Variants in TNFSF10 observed in about 807,000 individuals in gnomAD.
TNFSF10 encodes tumor necrosis factor ligand superfamily member 10.
A neutral mutation model predicts 29.5 loss-of-function variants in TNFSF10; 13 were observed. That is an observed-to-expected ratio of 0.44 (90% CI 0.29 to 0.70). The LOEUF (loss-of-function observed/expected upper bound fraction) is 0.70. Ranked by LOEUF, TNFSF10 falls within the 30% of genes least tolerant of loss-of-function variation. The pLI, the probability that TNFSF10 is intolerant of heterozygous loss-of-function variation, is 0.13. For missense variants in TNFSF10, 345 were observed against 330.9 expected (o/e 1.04, Z -0.33); for synonymous variants, 111 against 112.8 (o/e 0.98, Z 0.10).
At chr3:172,511,528 A>G in intron 3 of TNFSF10, 89 bp downstream of exon 3, 1 of 1,083,618 alleles carries the variant, frequency 9.2e-7, no homozygotes, top group Non-Finnish European at 1.3e-6. Flanking sequence ...TGAGTGGATG[A>G]GAACACAGAG....
At chr3:172,518,106 A>G in intron 1 of TNFSF10, 3 of 1,014,374 alleles carry the variant, frequency 3.0e-6, no homozygotes, top group Non-Finnish European at 3.5e-6. Context: ...TCCACTTCAA[A>G]ATATGAGTTT....
Position 172,506,579 on chromosome 3 carries a change from A to G in TNFSF10, c.759T>C (p.Asn253=), listed in dbSNP as rs775227574. 6.2e-7 allele frequency: 1 copy of G among 1,614,128 alleles called. No individual in the cohort carries two copies. ...TTGTTACAGAAACAAAAATTCTGTC[A>G]TTTTCCTTAAGCTCAAATATTCCCC... ...YQGGIFELKE[N]DRIFVSVTNE... Residue 253 remains asparagine (N), a synonymous_variant, in exon 5 of 5, where the codon AAT becomes AAC. Coordinates refer to ENST00000241261, the MANE Select transcript of TNFSF10 (RefSeq NM_003810.4).
intron 3 of TNFSF10, chr3:172,511,413 T>C (rs796299833): frequency 1.4e-5 from 6 of 442,364 alleles, no homozygotes; most frequent in African/African-American, 1.0e-4. Context: ...GTTCTGACCA[T>C]AGATGGGCCA....
In TNFSF10 at chr3:172,521,502, T is replaced by A. The variant is rs145034306; in HGVS notation, c.132+1751A>T. Among the ~76,000 whole-genome samples the A allele has an allele frequency of 3.7e-3, 557 of 152,310 alleles. 4 individuals carry two copies. The highest frequency in any genetic ancestry group is 0.013 in the African/African-American group (540 of 41,556). ...AATGCAAATCAAAACCATAATGAGA[T>A]ACCATCTCACTCCAGTTAGAATGGT... On this transcript the variant is annotated intron_variant, in intron 1 of 4. Coordinates refer to ENST00000241261, the MANE Select transcript of TNFSF10 (RefSeq NM_003810.4).
chr3:172,511,229 G>A (rs926215630), intron 3 of TNFSF10, among the ~76,000 whole-genome samples: 1 of 152,088 alleles, frequency 6.6e-6, no homozygotes, highest in African/African-American at 2.4e-5. Flanking sequence ...GGAGCCCAGT[G>A]GTGGCCTGAA....
chr3:172,518,208 T>C (rs998324864), intron 1 of TNFSF10: 25 of 1,115,630 alleles, frequency 2.2e-5, no homozygotes, highest in Non-Finnish European at 2.8e-5. Flanking sequence ...TTATTTTCAT[T>C]TGCGTGCCTC....
chr3:172,515,413 C>T (rs551226191), intron 1 of TNFSF10, among the ~76,000 whole-genome samples: 1 of 152,260 alleles, frequency 6.6e-6, no homozygotes, highest in African/African-American at 2.4e-5. Context: ...TACCTAGATA[C>T]AAGGTCGGTA....
In TNFSF10 at chr3:172,506,469, A is replaced by T; in HGVS notation, c.*23T>A. The T allele has an allele frequency of 1.3e-6, 2 of 1,574,102 alleles. No homozygotes were observed. Among genetic ancestry groups the T allele is most frequent in the Non-Finnish European group, 1.7e-6 (2 of 1,164,750 alleles). ...AAAACTGAATAGTCACTTTGAGGTT[A>T]TTGCTTTTTCTTTCCAGGTCAGTTA... On this transcript the variant is annotated 3_prime_UTR_variant, in exon 5 of 5. Coordinates refer to ENST00000241261, the MANE Select transcript of TNFSF10 (RefSeq NM_003810.4).
At chr3:172,517,656 G>A in intron 1 of TNFSF10, 1 of 985,378 alleles carries the variant, frequency 1.0e-6, no homozygotes, top group Non-Finnish European at 1.2e-6. Context: ...CTGTGTGTGT[G>A]CATAATTTTG....
rs140719733 is a variant in TNFSF10 at position 172,523,265 on chromosome 3, G to A, written c.120C>T (p.Asn40=). The change falls in exon 1 of 5, where the codon AAC becomes AAT. Residue 40 remains asparagine, a synonymous_variant. Transcript: ENST00000241261. The part of the protein sequence containing the change: ...CVAVTYVYFT[N]ELKQMQDKYS... ...GCACTGCACTGACCTGCTTCAGCTC[G>A]TTGGTAAAGTACACGTAAGTTACAG... The A allele has an allele frequency of 1.9e-4, 313 of 1,613,756 alleles. No individual in the cohort carries two copies. The highest frequency in any genetic ancestry group is 2.9e-4 in the African/African-American group (22 of 75,056).
chr3:172,506,916 G>T lies in TNFSF10; in HGVS notation c.422C>A (p.Ser141Tyr). ...GRSNTLSSPNSKNEKALGRKI... is the reference protein window; with the variant it reads ...GRSNTLSSPNYKNEKALGRKI... ...GCGGCCCAGAGCCTTTTCATTCTTG[G>T]AGTCTGTAGGAAATTTAGAGAGAAA... is the stretch of plus-strand genomic sequence containing the variant. The change falls in exon 5 of 5, where the codon TCC becomes TAC. Residue 141 changes from serine (S) to tyrosine (Y), a missense_variant. Transcript: ENST00000241261. The T allele has an allele frequency of 6.3e-7, 1 of 1,585,728 alleles. No individual in the cohort carries two copies. Among genetic ancestry groups the T allele is most frequent in the Non-Finnish European group, 8.6e-7 (1 of 1,169,250 alleles).
At chr3:172,512,364 A>G (rs987724702) in intron 2 of TNFSF10, among the ~76,000 whole-genome samples, 4 of 152,180 alleles carry the variant, frequency 2.6e-5, no homozygotes, top group Admixed American at 2.6e-4. Context: ...TCTCTATTAA[A>G]TGGGAAGACC....
In TNFSF10 at chr3:172,506,680, T is replaced by C. The variant is rs769949888; in HGVS notation, c.658A>G (p.Ile220Val). The change falls in exon 5 of 5, where the codon ATA (isoleucine) becomes GTA (valine). Residue 220 changes from isoleucine to valine, a missense_variant. Ile to Val is a conservative substitution (Grantham distance 29). Coordinates refer to ENST00000241261, the MANE Select transcript of TNFSF10 (RefSeq NM_003810.4). ...TTTCTAGCACTTTTCATCAACAATATAGGGTCAGGATAACTTGTGTATTTG... is the reference window on the plus strand; with the variant it reads ...TTTCTAGCACTTTTCATCAACAATACAGGGTCAGGATAACTTGTGTATTTG... ...IYKYTSYPDP[I>V]LLMKSARNSC... The C allele has an allele frequency of 6.2e-7, 1 of 1,614,202 alleles. No individual in the cohort carries two copies. Among genetic ancestry groups the C allele is most frequent in the South Asian group, 1.1e-5 (1 of 91,088 alleles).
intron 4 of TNFSF10, chr3:172,507,274 C>T (rs913780817): frequency 1.8e-5 from 4 of 221,152 alleles, no homozygotes; most frequent in Non-Finnish European, 2.6e-5. Flanking sequence ...ATCTGTTCCT[C>T]CCGTCTTGTG....
intron 1 of TNFSF10, 115 bp from the exon 2 acceptor site, chr3:172,515,113 G>T: frequency 1.5e-6 from 2 of 1,368,546 alleles, no homozygotes; most frequent in Non-Finnish European, 2.0e-6. Context: ...TTGGCATATT[G>T]AGTAAGTTCC....
chr3:172,517,568 A>G, intron 1 of TNFSF10: 1 of 985,396 alleles, frequency 1.0e-6, no homozygotes, highest in South Asian at 4.7e-5. Context: ...AAAACAAAAC[A>G]ACCACTAATA....
chr3:172,515,161 TAA>T (rs766198713), intron 1 of TNFSF10, among the ~76,000 whole-genome samples, 163 bp from the exon 2 acceptor site: 32 of 140,232 alleles, frequency 2.3e-4, no homozygotes, highest in African/African-American at 2.1e-4. Flanking sequence ...CCTTTGTCCT[TAA>T]AAAAAAAAAA....
Position 172,506,548 on chromosome 3 carries a change from G to A in TNFSF10, c.790C>T (p.His264Tyr). Reference sequence around the variant, plus strand: ...GCTTCATGGTCCATGTCTATCAAGTGCTCATTTGTTACAGAAACAAAAATT... The same window carrying A: ...GCTTCATGGTCCATGTCTATCAAGTACTCATTTGTTACAGAAACAAAAATT... ...DRIFVSVTNE[H>Y]LIDMDHEASF... Residue 264 changes from histidine (H) to tyrosine (Y), a missense_variant, in exon 5 of 5, where the codon CAC (histidine) becomes TAC (tyrosine). By Grantham distance (83) the His-to-Tyr change is moderately conservative. Coordinates refer to ENST00000241261, the MANE Select transcript of TNFSF10 (RefSeq NM_003810.4). The A allele has an allele frequency of 6.2e-7, 1 of 1,614,034 alleles. No individual in the cohort carries two copies. Among genetic ancestry groups the A allele is most frequent in the Non-Finnish European group, 8.5e-7 (1 of 1,179,980 alleles).
chr3:172,507,886 G>A (rs1953963262), intron 4 of TNFSF10, among the ~76,000 whole-genome samples: 1 of 152,190 alleles, frequency 6.6e-6, no homozygotes, highest in South Asian at 2.1e-4. Flanking sequence ...ATTTCTTGAG[G>A]ACATACAATA....
Sources: allele counts gnomAD v4.1 joint callset (sites outside exome capture counted in the v4.1 genomes callset), GRCh38; gene constraint gnomAD v4.1.1; transcripts MANE v1.5; gene names NCBI Gene and HGNC (gene_info 2026-07-23, HGNC 2026-07-21).